Variants in TMEM94 observed in about 807,000 individuals in gnomAD.
TMEM94 encodes the protein transmembrane protein 94.
A neutral mutation model predicts 158.6 loss-of-function variants in TMEM94; 81 were observed. The observed-to-expected ratio is 0.51, with a 90% CI of 0.43 to 0.61. The LOEUF is 0.61. Ranked by LOEUF, TMEM94 falls within the 20% of genes least tolerant of loss-of-function variation. TMEM94 has a pLI of 0.00. For missense variants in TMEM94, 1,435 were observed against 1,762.0 expected (o/e 0.81, Z 3.32); for synonymous variants, 751 against 730.7 (o/e 1.03, Z -0.45).
At position 75,459,070 on chromosome 17, in the gene TMEM94, C is replaced by CA. The variant is rs376856784; in HGVS notation, c.-107+2327dup. Among the ~76,000 whole-genome samples the CA allele has an allele frequency of 2.4e-3, 352 of 147,356 alleles. 5 individuals are homozygous for CA. Among genetic ancestry groups the CA allele is most frequent in the African/African-American group, 6.7e-3 (263 of 39,292 alleles). ...AGACTCCGTCTCAAAAAAAAAAAAA[C>CA]AAAAAAAACAAAAACAAATAAAATG... is the stretch of plus-strand genomic sequence containing the variant. On this transcript the variant is annotated intron_variant, in intron 1 of 31. Transcript: ENST00000314256.
Position 75,485,729 on chromosome 17 carries a change from G to A in TMEM94, c.145-142G>A, listed in dbSNP as rs2051537049. On this transcript the variant is annotated intron_variant, in intron 3 of 31. Coordinates refer to ENST00000314256, the MANE Select transcript of TMEM94 (RefSeq NM_014738.6). This position sits in a 1 kb window ranked among gnomAD's most constrained non-coding sequence, Gnocchi z 5.5. ...GTGGCTCCTGAGCCTGCTTGCTGCAGGAGCCCAACAGGCTGGAGCCCAGCC... is the reference window on the plus strand; with the variant it reads ...GTGGCTCCTGAGCCTGCTTGCTGCAAGAGCCCAACAGGCTGGAGCCCAGCC... 7.5e-7 allele frequency: 1 copy of A among 1,342,176 alleles called. No homozygotes were observed. The highest frequency in any genetic ancestry group is 2.5e-5 in the Admixed American group (1 of 39,228). The allele number at this position is 1,342,176 out of a possible 1,614,324, so 83.1% of individuals were successfully genotyped here.
Position 75,489,050 on chromosome 17 carries a change from G to A in TMEM94, c.764+140G>A. ...CTTAGGCTCCTGTCCTTAACATCTT[G>A]TGAGAATTCTTAGACTGAGTGGTGC... On this transcript the variant is annotated intron_variant, in intron 7 of 31. Transcript: ENST00000314256. The surrounding 1 kb of genome is among the most constrained non-coding windows in gnomAD (Gnocchi z 5.0). 1 of 1,026,156 alleles carries A rather than the reference G, an allele frequency of 9.7e-7. No individual in the cohort carries two copies. Among genetic ancestry groups the A allele is most frequent in the South Asian group, 1.6e-5 (1 of 62,524 alleles). The allele number at this position is 1,026,156 out of a possible 1,614,324, so 63.6% of individuals were successfully genotyped here.
chr17:75,493,378 C>T (rs759213075), intron 16 of TMEM94, 113 bp from the exon 17 acceptor site: 107 of 1,096,920 alleles, frequency 9.8e-5, no homozygotes, highest in Non-Finnish European at 1.4e-4. Flanking sequence ...AGGGAGTCTC[C>T]TCCTCTGGCA....
Position 75,485,617 on chromosome 17 carries a change from G to A in TMEM94, c.144+70G>A. 4 of 1,596,782 alleles carry A rather than the reference G, an allele frequency of 2.5e-6. No individual in the cohort carries two copies. The highest frequency in any genetic ancestry group is 3.4e-6 in the Non-Finnish European group (4 of 1,166,050). On this transcript the variant is annotated intron_variant, in intron 3 of 31. Coordinates refer to ENST00000314256, the MANE Select transcript of TMEM94 (RefSeq NM_014738.6). This position sits in a 1 kb window ranked among gnomAD's most constrained non-coding sequence, Gnocchi z 5.5. The stretch of plus-strand genomic sequence containing the variant: ...GGGAAGTGTGGGAGGCCCCTTCTCA[G>A]GACTCTGATGTACCCTGTCACCCTG...
Position 75,471,842 on chromosome 17 carries a change from G to C in TMEM94, c.-64G>C. On this transcript the variant is annotated 5_prime_UTR_variant, in exon 2 of 32. Transcript: ENST00000314256. Reference sequence around the variant, plus strand: ...GACTCACTGGGGTTTGTACATGCTGGGGAGGAGCCTTCCTTTCAGGGGTGA... The same window carrying C: ...GACTCACTGGGGTTTGTACATGCTGCGGAGGAGCCTTCCTTTCAGGGGTGA... 6.4e-7 allele frequency: 1 copy of C among 1,567,058 alleles called. No homozygotes were observed. Among genetic ancestry groups the C allele is most frequent in the Non-Finnish European group, 8.8e-7 (1 of 1,138,054 alleles).
chr17:75,490,077 C>CAAAA, intron 9 of TMEM94, 157 bp from the exon 10 acceptor site: 2 of 795,230 alleles, frequency 2.5e-6, no homozygotes, highest in Admixed American at 3.4e-5. Context: ...GACTCCGTCT[C>CAAAA]AAAAAAAAAA....
intron 2 of TMEM94, among the ~76,000 whole-genome samples, chr17:75,480,119 C>T (rs1395280664): frequency 2.6e-5 from 4 of 151,192 alleles, no homozygotes; most frequent in South Asian, 4.2e-4. Flanking sequence ...AGAAAAAGAG[C>T]GAGAGAGAGC....
At chr17:75,458,275 G>A (rs1486803928) in intron 1 of TMEM94, among the ~76,000 whole-genome samples, 10 of 152,232 alleles carry the variant, frequency 6.6e-5, no homozygotes, top group African/African-American at 7.2e-5. Flanking sequence ...AAATGGCACT[G>A]TGGTATCTCT....
At chr17:75,462,740 G>A (rs931122706) in intron 1 of TMEM94, among the ~76,000 whole-genome samples, 3 of 148,256 alleles carry the variant, frequency 2.0e-5, no homozygotes, top group Non-Finnish European at 3.0e-5. Context: ...CTGTAATTCC[G>A]GCACTTTGGG....
chr17:75,489,066 T>G lies in TMEM94; in HGVS notation c.764+156T>G, dbSNP rs528991536. Among the ~76,000 whole-genome samples the G allele has an allele frequency of 1.5e-4, 23 of 152,338 alleles. No individual in the cohort carries two copies. Among genetic ancestry groups the G allele is most frequent in the African/African-American group, 5.3e-4 (22 of 41,576 alleles). Reference sequence around the variant, plus strand: ...TAACATCTTGTGAGAATTCTTAGACTGAGTGGTGCCCTCTCCCAGTCTCTA... The same window carrying G: ...TAACATCTTGTGAGAATTCTTAGACGGAGTGGTGCCCTCTCCCAGTCTCTA... On this transcript the variant is annotated intron_variant, in intron 7 of 31. Transcript: ENST00000314256. The surrounding 1 kb of genome is among the most constrained non-coding windows in gnomAD (Gnocchi z 5.0).
chr17:75,497,030 C>A, intron 25 of TMEM94, 83 bp from the exon 26 acceptor site: 1 of 1,265,214 alleles, frequency 7.9e-7, no homozygotes, highest in South Asian at 1.2e-5. Context: ...TATCTGGGCC[C>A]AGGGCAAGGG....
rs1482470937 is a variant in TMEM94, at chr17:75,487,868, T to C, written c.410-64T>C. On this transcript the variant is annotated intron_variant, in intron 5 of 31. Transcript: ENST00000314256. This position sits in a 1 kb window ranked among gnomAD's most constrained non-coding sequence, Gnocchi z 4.6. ...CAGACAGTGCTTCCGGAAGTGCTGCTGTATCTGACTGGGGGGCAGGGCCGT... is the reference window on the plus strand; with the variant it reads ...CAGACAGTGCTTCCGGAAGTGCTGCCGTATCTGACTGGGGGGCAGGGCCGT... 7.2e-7 allele frequency: 1 copy of C among 1,382,154 alleles called. No individual in the cohort carries two copies. The highest frequency in any genetic ancestry group is 1.0e-6 in the Non-Finnish European group (1 of 978,104). 85.6% of individuals were successfully genotyped at this position (1,382,154 alleles called of 1,614,324 possible). A position where few individuals can be genotyped will look rare whatever the true frequency, so the allele number is the denominator to read the frequency against.
At chr17:75,477,039 C>T (rs1193119538) in intron 2 of TMEM94, among the ~76,000 whole-genome samples, 1 of 152,182 alleles carries the variant, frequency 6.6e-6, no homozygotes, top group Non-Finnish European at 1.5e-5. Context: ...TTTCCATGCA[C>T]AGGTGACAGA....
In TMEM94 at chr17:75,476,576, A is replaced by G. The variant is rs992674240; in HGVS notation, c.24+4647A>G. 25 of 1,484,014 alleles carry G rather than the reference A, an allele frequency of 1.7e-5. No homozygotes were observed. In the African/African-American group the frequency reaches 3.2e-4, roughly 19 times the overall value. The allele number at this position is 1,484,014 out of a possible 1,614,324, so 91.9% of individuals were successfully genotyped here. ...CCCGGCTTCTTGCTCACACACTCTC[A>G]GCTGTCTCCGTCTCTTCTCTCCTCT... is the stretch of plus-strand genomic sequence containing the variant. On this transcript the variant is annotated intron_variant, in intron 2 of 31. Coordinates refer to ENST00000314256, the MANE Select transcript of TMEM94 (RefSeq NM_014738.6).
At position 75,499,448 on chromosome 17, in the gene TMEM94, G is replaced by A; in HGVS notation, c.*114G>A. ...TTCCAGGTTTGCTCCTGCACCCGTG[G>A]CACTGGAAACCCAGCTCCCCGTGTC... On this transcript the variant is annotated 3_prime_UTR_variant, in exon 32 of 32. Coordinates refer to ENST00000314256, the MANE Select transcript of TMEM94 (RefSeq NM_014738.6). The A allele has an allele frequency of 9.7e-7, 1 of 1,036,014 alleles. No homozygotes were observed. The highest frequency in any genetic ancestry group is 1.4e-6 in the Non-Finnish European group (1 of 692,240). The allele number at this position is 1,036,014 out of a possible 1,614,324, so 64.2% of individuals were successfully genotyped here.
intron 11 of TMEM94, 140 bp from the exon 12 acceptor site, chr17:75,490,909 A>T: frequency 2.1e-6 from 2 of 931,014 alleles, no homozygotes. Context: ...CTGTTCCCAT[A>T]ACGTGTCCAC....
intron 2 of TMEM94, among the ~76,000 whole-genome samples, chr17:75,478,329 T>TAA (rs57199058): frequency 1.0e-5 from 1 of 97,560 alleles, no homozygotes; most frequent in South Asian, 3.7e-4. Flanking sequence ...GACTCCATCT[T>TAA]AAAAAAAAAA....
intron 1 of TMEM94, among the ~76,000 whole-genome samples, chr17:75,465,679 A>ATTTTTT (rs66618031): frequency 1.4e-4 from 17 of 124,796 alleles, no homozygotes; most frequent in South Asian, 2.5e-4. Flanking sequence ...ATATATATAT[A>ATTTTTT]TTTTTTTTTA....
rs1285711670 is a variant in TMEM94, at chr17:75,463,067, TATATATATATATACAC to T, written c.-107+6318_-107+6333del. ...ATATATATATATATATATATATATA[TATATATATATATACAC>T]ACACACACACATATATATGTGTGTA... On this transcript the variant is annotated intron_variant, in intron 1 of 31. Transcript: ENST00000314256. 2.0e-3 allele frequency among the ~76,000 whole-genome samples: 29 copies of T among 14,282 alleles called. 1 individual carries two copies. The African/African-American group carries it at 0.023, about 11-fold the overall frequency. 9.4% of individuals were successfully genotyped at this position (14,282 alleles called of 152,430 possible). A position where few individuals can be genotyped will look rare whatever the true frequency, so the allele number is the denominator to read the frequency against.
Sources: allele counts gnomAD v4.1 joint callset (sites outside exome capture counted in the v4.1 genomes callset), GRCh38; gene constraint gnomAD v4.1.1; non-coding constraint Gnocchi (gnomAD v3.1); transcripts MANE v1.5; gene names NCBI Gene and HGNC (gene_info 2026-07-23, HGNC 2026-07-21).